The following DLGAP1 variants were observed in gnomAD, a reference collection of about 807,000 sequenced individuals.
The protein encoded by DLGAP1 is disks large-associated protein 1.
Under a neutral mutation model 90.8 loss-of-function variants are expected in DLGAP1, and 11 were observed. The ratio of observed to expected loss-of-function variants is 0.12; its 90% CI spans 0.08 to 0.20. The LOEUF (loss-of-function observed/expected upper bound fraction) is 0.20, where lower values mean the gene tolerates loss of function less well. Among genes scored for constraint, DLGAP1 ranks in the 10% least tolerant of loss-of-function variants. DLGAP1 has a pLI of 1.00. For synonymous variants in DLGAP1, 558 were observed against 540.7 expected (o/e 1.03, Z -0.44); for missense variants, 1,050 against 1,333.8 (o/e 0.79, Z 3.31).
chr18:4,368,920 A>G (rs2081849785), intron 1 of DLGAP1, among the ~76,000 whole-genome samples: 1 of 152,170 alleles, frequency 6.6e-6, no homozygotes, highest in Non-Finnish European at 1.5e-5. Context: ...TATTTCTCCC[A>G]TTCCTTCTAT....
chr18:3,930,361 G>A (rs2072489283), intron 3 of DLGAP1, among the ~76,000 whole-genome samples: 1 of 152,110 alleles, frequency 6.6e-6, no homozygotes, highest in Non-Finnish European at 1.5e-5. Context: ...TTTCCCAGGT[G>A]GTTTGTGTTT....
intron 1 of DLGAP1, among the ~76,000 whole-genome samples, chr18:4,237,558 G>C (rs1193387509): frequency 6.6e-6 from 1 of 152,090 alleles, no homozygotes; most frequent in Non-Finnish European, 1.5e-5. Flanking sequence ...CCTTTTCTGA[G>C]ACTGACTCTG....
chr18:4,053,443 T>C (rs1162538557), intron 2 of DLGAP1, among the ~76,000 whole-genome samples: 1 of 152,050 alleles, frequency 6.6e-6, no homozygotes, highest in East Asian at 1.9e-4. Flanking sequence ...TCCCACTGAG[T>C]CCCTCCCATG....
intron 5 of DLGAP1, among the ~76,000 whole-genome samples, chr18:3,757,483 C>T (rs2063764292): frequency 6.6e-6 from 1 of 152,054 alleles, no homozygotes; most frequent in Non-Finnish European, 1.5e-5. Flanking sequence ...AATATACACC[C>T]AAAAATTCCC....
intron 3 of DLGAP1, among the ~76,000 whole-genome samples, chr18:3,916,338 C>A (rs776828560): frequency 1.1e-4 from 16 of 152,168 alleles, no homozygotes; most frequent in South Asian, 2.1e-4. Context: ...CACGTGCAAT[C>A]CCAATCTGCA....
chr18:4,378,512 C>T lies in DLGAP1; in HGVS notation c.-267+76494G>A, dbSNP rs1262037954. Among the ~76,000 whole-genome samples the T allele has an allele frequency of 6.6e-6, 1 of 151,954 alleles. No individual in the cohort carries two copies. Among genetic ancestry groups the T allele is most frequent in the Non-Finnish European group, 1.5e-5 (1 of 67,964 alleles). The stretch of plus-strand genomic sequence containing the variant: ...GGTAAGTAGGTTTGATACCTTGAGA[C>T]GAAATATCAAGATTTATCTTCTATG... On this transcript the variant is annotated intron_variant, in intron 1 of 12. Coordinates refer to ENST00000315677, the MANE Select transcript of DLGAP1 (RefSeq NM_004746.4). This position sits in a 1 kb window ranked among gnomAD's most constrained non-coding sequence, Gnocchi z 4.5.
intron 2 of DLGAP1, among the ~76,000 whole-genome samples, chr18:4,076,252 C>T (rs891188665): frequency 6.6e-6 from 1 of 152,132 alleles, no homozygotes. Context: ...GTAGCAAGTA[C>T]ATTTGATTAA....
At chr18:3,993,490 T>C (rs536940565) in intron 3 of DLGAP1, among the ~76,000 whole-genome samples, 93 of 152,214 alleles carry the variant, frequency 6.1e-4, no homozygotes, top group African/African-American at 2.2e-3. Flanking sequence ...CTTTCCTCCT[T>C]TCAGTAAAAA....
intron 7 of DLGAP1, among the ~76,000 whole-genome samples, chr18:3,680,517 C>G (rs7229851): frequency 0.31 from 47,592 of 152,104 alleles, 7,919 homozygotes; most frequent in East Asian, 0.61. Flanking sequence ...GCCGGGCGTG[C>G]TGGCTCACGC....
chr18:3,619,577 C>T (rs116690807), intron 7 of DLGAP1, among the ~76,000 whole-genome samples: 2,142 of 152,162 alleles, frequency 0.014, 49 homozygotes, highest in African/African-American at 0.044. Flanking sequence ...CTCTTCTAGC[C>T]GCCCTAGTCC....
intron 2 of DLGAP1, among the ~76,000 whole-genome samples, chr18:4,082,567 T>A (rs1468161019): frequency 6.9e-6 from 1 of 144,706 alleles, no homozygotes; most frequent in African/African-American, 2.6e-5. Flanking sequence ...CCCCATTCCA[T>A]GGTGGGGGTA....
Position 3,737,391 on chromosome 18 carries a change from C to T in DLGAP1, c.1350+4944G>A, listed in dbSNP as rs1437359778. On this transcript the variant is annotated intron_variant, in intron 6 of 12. Transcript: ENST00000315677. ...AATCCTCAATAAAATACTGGCAAAA[C>T]GAATCCAGCAGCACATCAAAAAGCT... 4.2e-4 allele frequency among the ~76,000 whole-genome samples: 61 copies of T among 146,580 alleles called. 1 individual carries two copies. In the South Asian group the frequency reaches 8.3e-3, roughly 20 times the overall value.
intron 1 of DLGAP1, among the ~76,000 whole-genome samples, chr18:4,221,027 A>G (rs2078064258): frequency 6.6e-6 from 1 of 152,154 alleles, no homozygotes; most frequent in Admixed American, 6.6e-5. Context: ...TTTGTAGCCT[A>G]TGAGCAATAG....
intron 1 of DLGAP1, among the ~76,000 whole-genome samples, chr18:4,269,625 A>G (rs934444212): frequency 1.3e-5 from 2 of 152,100 alleles, no homozygotes; most frequent in Non-Finnish European, 2.9e-5. Flanking sequence ...AAGTGCTGGC[A>G]TTACAGGCGT....
intron 2 of DLGAP1, among the ~76,000 whole-genome samples, chr18:4,037,781 G>A (rs2074912969): frequency 6.6e-6 from 1 of 152,152 alleles, no homozygotes; most frequent in Admixed American, 6.5e-5. Flanking sequence ...CCAACATAGT[G>A]AAACCCCATC....
At chr18:3,549,168 G>T (rs918279551) in intron 9 of DLGAP1, among the ~76,000 whole-genome samples, 30 of 152,036 alleles carry the variant, frequency 2.0e-4, no homozygotes, top group African/African-American at 7.0e-4. Context: ...GAAATGCCTG[G>T]CCCAATTATA....
At chr18:3,911,077 C>A (rs1568295545) in intron 3 of DLGAP1, among the ~76,000 whole-genome samples, 2 of 152,160 alleles carry the variant, frequency 1.3e-5, no homozygotes, top group African/African-American at 2.4e-5. Flanking sequence ...ACAAACAGAG[C>A]AAATTCCTGT....
chr18:4,322,943 G>GAACA (rs1568513548), intron 1 of DLGAP1, among the ~76,000 whole-genome samples: 2 of 97,612 alleles, frequency 2.0e-5, no homozygotes. Flanking sequence ...CCTGGGCACA[G>GAACA]AAAAAAAAAA....
chr18:4,325,922 T>C (rs2080806947), intron 1 of DLGAP1, among the ~76,000 whole-genome samples: 1 of 152,108 alleles, frequency 6.6e-6, no homozygotes, highest in Non-Finnish European at 1.5e-5. Context: ...GAAGTTAACC[T>C]AGGAAACACC....
Sources: gnomAD v4.1 joint callset for allele counts (sites outside exome capture counted in the v4.1 genomes callset) on GRCh38, gnomAD v4.1.1 for gene constraint, Gnocchi (gnomAD v3.1) non-coding constraint, MANE v1.5 for transcripts, NCBI Gene and HGNC (gene_info 2026-07-23, HGNC 2026-07-21) for gene names.